Variants in ZSWIM8 observed in about 807,000 individuals in gnomAD.
ZSWIM8 encodes zinc finger SWIM-type containing 8.
In ZSWIM8, 27 loss-of-function variants were observed where a neutral mutation model predicts 173.7. The ratio of observed to expected loss-of-function variants is 0.16; its 90% CI spans 0.11 to 0.21. ZSWIM8 has a LOEUF of 0.21. Ranked by LOEUF, ZSWIM8 falls within the 10% of genes least tolerant of loss-of-function variation. ZSWIM8 has a pLI of 1.00. For synonymous variants in ZSWIM8, 958 were observed against 962.0 expected, an observed-to-expected ratio of 1.00 and a Z score of 0.08; for missense variants, 1,627 against 2,428.8, an observed-to-expected ratio of 0.67 and a Z score of 6.94.
chr10:73,790,435 C>A, intron 7 of ZSWIM8, 143 bp downstream of exon 7: 1 of 1,243,082 alleles, frequency 8.0e-7, no homozygotes, highest in Non-Finnish European at 1.1e-6. Context: ...ACAGTTGTCA[C>A]TAACGAATTG....
At chr10:73,790,776 G>A (rs564651344) in intron 7 of ZSWIM8, among the ~76,000 whole-genome samples, 199 bp from the exon 8 acceptor site, 1 of 152,238 alleles carries the variant, frequency 6.6e-6, no homozygotes, top group African/African-American at 2.4e-5. Flanking sequence ...TTGAACCCGG[G>A]AGGTGGAGGT....
rs2083342368 is a variant in ZSWIM8 at position 73,789,569 on chromosome 10, A to G, written c.630+30A>G. On this transcript the variant is annotated intron_variant, in intron 4 of 25. Transcript: ENST00000604729. The surrounding 1 kb of genome is among the most constrained non-coding windows in gnomAD (Gnocchi z 6.8). ...GGCCCTCCCAATTTATCCCGGCCCTATCCTACACTCCATCCCCCCCTTCTC... is the reference window on the plus strand; with the variant it reads ...GGCCCTCCCAATTTATCCCGGCCCTGTCCTACACTCCATCCCCCCCTTCTC... The G allele has an allele frequency of 6.2e-7, 1 of 1,605,676 alleles. No homozygotes were observed. Among genetic ancestry groups the G allele is most frequent in the Non-Finnish European group, 8.5e-7 (1 of 1,176,848 alleles).
Position 73,791,529 on chromosome 10 carries a change from CTG to C in ZSWIM8, c.1319+31_1319+32del, listed in dbSNP as rs767441902. 10 of 1,561,750 alleles carry C rather than the reference CTG, an allele frequency of 6.4e-6. No homozygotes were observed. Among genetic ancestry groups the C allele is most frequent in the Non-Finnish European group, 8.7e-6 (10 of 1,147,686 alleles). Reference sequence around the variant, plus strand: ...GTCTCCCCTGAGGCTCACCACAGAACTGAGCCTGGGCCAGCTCAGGACAGACT... The same window carrying C: ...GTCTCCCCTGAGGCTCACCACAGAACAGCCTGGGCCAGCTCAGGACAGACT... On this transcript the variant is annotated intron_variant, in intron 9 of 25. Coordinates refer to ENST00000604729, the MANE Select transcript of ZSWIM8 (RefSeq NM_001367799.1). The surrounding 1 kb of genome is among the most constrained non-coding windows in gnomAD (Gnocchi z 6.0).
chr10:73,797,684 C>T lies in ZSWIM8; in HGVS notation c.3662+79C>T, dbSNP rs1452269971. The T allele has an allele frequency of 4.5e-6, 7 of 1,567,566 alleles. No homozygotes were observed. Among genetic ancestry groups the T allele is most frequent in the Non-Finnish European group, 6.1e-6 (7 of 1,151,880 alleles). On this transcript the variant is annotated intron_variant, in intron 18 of 25. Coordinates refer to ENST00000604729, the MANE Select transcript of ZSWIM8 (RefSeq NM_001367799.1). This position sits in a 1 kb window ranked among gnomAD's most constrained non-coding sequence, Gnocchi z 5.6. ...ACCCCTAGTGCAATCCAACCATTGT[C>T]TCCCAGCATCCTCACTTTCCCTGGT...
At chr10:73,788,486 C>A (rs2083300875) in intron 1 of ZSWIM8, among the ~76,000 whole-genome samples, 184 bp from the exon 2 acceptor site, 1 of 152,118 alleles carries the variant, frequency 6.6e-6, no homozygotes, top group Admixed American at 6.5e-5. Flanking sequence ...CTCCCCTTTC[C>A]CATATGGAGC....
At position 73,800,554 on chromosome 10, in the gene ZSWIM8, T is replaced by G; in HGVS notation, c.5002+82T>G. ...AGGACCCTTCCTCTAGCTCTTCATT[T>G]GTTTACTGTGGGGTCAGGTGACAGG... On this transcript the variant is annotated intron_variant, in intron 23 of 25. Transcript: ENST00000604729. The surrounding 1 kb of genome is among the most constrained non-coding windows in gnomAD (Gnocchi z 4.1). 1 of 1,602,762 alleles carries G rather than the reference T, an allele frequency of 6.2e-7. No individual in the cohort carries two copies. Among genetic ancestry groups the G allele is most frequent in the East Asian group, 2.2e-5 (1 of 44,808 alleles).
In ZSWIM8 at chr10:73,792,932, C is replaced by A; in HGVS notation, c.2313+80C>A. 1 of 1,464,236 alleles carries A rather than the reference C, an allele frequency of 6.8e-7. No individual in the cohort carries two copies. The highest frequency in any genetic ancestry group is 1.4e-5 in the South Asian group (1 of 73,246). The allele number at this position is 1,464,236 out of a possible 1,614,324, so 90.7% of individuals were successfully genotyped here. A position where few individuals can be genotyped will look rare whatever the true frequency, so the allele number is the denominator to read the frequency against. ...GCTATCTAGCTCTAGTTGGGAGTGT[C>A]AGGACCATCAGCAGGATTGTGAGAA... is the stretch of plus-strand genomic sequence containing the variant. On this transcript the variant is annotated intron_variant, in intron 10 of 25. Transcript: ENST00000604729. The surrounding 1 kb of genome is among the most constrained non-coding windows in gnomAD (Gnocchi z 4.3).
Position 73,792,053 on chromosome 10 carries a change from C to T in ZSWIM8, c.1514C>T (p.Ala505Val), listed in dbSNP as rs899722218. 2.6e-6 allele frequency: 4 copies of T among 1,546,576 alleles called. No homozygotes were observed. Among genetic ancestry groups the T allele is most frequent in the African/African-American group, 2.7e-5 (2 of 73,012 alleles). ...TACAGCGGCACTGACAGGAAGCTGG[C>T]ACTGTGCTGGGCCCGGGCCCTGCCC... ...VTYSGTDRKL[A>V]LCWARALPSR... The change falls in exon 10 of 26, where the codon GCA (alanine) becomes GTA (valine). Residue 505 changes from alanine (A) to valine (V), a missense_variant. Transcript: ENST00000604729. The surrounding 1 kb of genome is among the most constrained non-coding windows in gnomAD (Gnocchi z 4.3).
At chr10:73,796,709 A>G (rs2132760833) in intron 15 of ZSWIM8, 65 bp from the exon 16 acceptor site, 2 of 1,587,444 alleles carry the variant, frequency 1.3e-6, no homozygotes, top group Non-Finnish European at 1.7e-6. Context: ...GGAAGGTAAT[A>G]GAAGTCAGGA....
chr10:73,792,068 G>A lies in ZSWIM8; in HGVS notation c.1529G>A (p.Arg510Gln), dbSNP rs751929099. ...TDRKLALCWA[R>Q]ALPSRPGASR... The stretch of plus-strand genomic sequence containing the variant: ...AGGAAGCTGGCACTGTGCTGGGCCC[G>A]GGCCCTGCCCTCTCGGCCAGGTGCC... The change falls in exon 10 of 26, where the codon CGG becomes CAG. Residue 510 changes from arginine (R) to glutamine (Q), a missense_variant. Around this residue, in one of 18 missense-constraint regions of ZSWIM8, gnomAD observed 383 missense variants for 394.8 expected, o/e 0.97. Transcript: ENST00000604729. This position sits in a 1 kb window ranked among gnomAD's most constrained non-coding sequence, Gnocchi z 4.3. 5.2e-6 allele frequency: 8 copies of A among 1,539,160 alleles called. No individual in the cohort carries two copies. The highest frequency in any genetic ancestry group is 4.0e-5 in the Admixed American group (2 of 50,330).
chr10:73,785,813 C>A lies in ZSWIM8; in HGVS notation c.-66C>A, dbSNP rs1010183763. On this transcript the variant is annotated 5_prime_UTR_variant, in exon 1 of 26. Coordinates refer to ENST00000604729, the MANE Select transcript of ZSWIM8 (RefSeq NM_001367799.1). Reference sequence around the variant, plus strand: ...CCTCAGGCCCCGGGCCTCCCCTCAACCCCCGGCCGGCGGCCCAGGCCCCGG... The same window carrying A: ...CCTCAGGCCCCGGGCCTCCCCTCAAACCCCGGCCGGCGGCCCAGGCCCCGG... 26 of 1,456,388 alleles carry A rather than the reference C, an allele frequency of 1.8e-5. No individual in the cohort carries two copies. In the African/African-American group the frequency reaches 2.5e-4, roughly 14 times the overall value. 90.2% of individuals were successfully genotyped at this position (1,456,388 alleles called of 1,614,324 possible).
Position 73,791,011 on chromosome 10 carries a change from G to T in ZSWIM8, c.978G>T (p.Pro326=). ...CCATGTATCTGTCTTCCACGGAGCC[G>T]CCAGCCGCTGCTGAATGGGCATGTC... ...VNSMYLSSTE[P]PAAAEWACLL... The change falls in exon 8 of 26, where the codon CCG becomes CCT. Residue 326 remains proline (P), a synonymous_variant. Coordinates refer to ENST00000604729, the MANE Select transcript of ZSWIM8 (RefSeq NM_001367799.1). The surrounding 1 kb of genome is among the most constrained non-coding windows in gnomAD (Gnocchi z 6.0). 6.2e-7 allele frequency: 1 copy of T among 1,612,182 alleles called. No individual in the cohort carries two copies. Among genetic ancestry groups the T allele is most frequent in the Non-Finnish European group, 8.5e-7 (1 of 1,179,824 alleles).
chr10:73,788,267 G>A (rs1010218921), intron 1 of ZSWIM8, among the ~76,000 whole-genome samples: 1 of 151,648 alleles, frequency 6.6e-6, no homozygotes, highest in African/African-American at 2.4e-5. Flanking sequence ...GGCAATCGGA[G>A]ACAAGAATGC....
Position 73,792,525 on chromosome 10 carries a change from G to A in ZSWIM8, c.1986G>A (p.Glu662=). ...GAGGCCCTTCCACTTTCCTTCCTGA[G>A]CCCCCAGATACTTATGAAGAAGATG... ...GSRGPSTFLP[E]PPDTYEEDGG... Residue 662 remains glutamate (E), a synonymous_variant, in exon 10 of 26, where the codon GAG becomes GAA. Coordinates refer to ENST00000604729, the MANE Select transcript of ZSWIM8 (RefSeq NM_001367799.1). This position sits in a 1 kb window ranked among gnomAD's most constrained non-coding sequence, Gnocchi z 4.3. The A allele has an allele frequency of 6.2e-7, 1 of 1,613,966 alleles. No homozygotes were observed. Among genetic ancestry groups the A allele is most frequent in the Non-Finnish European group, 8.5e-7 (1 of 1,179,846 alleles).
chr10:73,793,711 C>T lies in ZSWIM8; in HGVS notation c.2437C>T (p.Pro813Ser), dbSNP rs2083504225. The change falls in exon 11 of 26, where the codon CCT becomes TCT. Residue 813 changes from proline to serine, a missense_variant. Physicochemically the swap from Pro to Ser is moderately conservative, Grantham distance 74. This residue lies in a region of ZSWIM8 where 169 missense variants were observed against 235.3 expected (regional missense o/e 0.72). Transcript: ENST00000604729. ...NPPDLKVEPP[P>S]AKGKKNKVST... Reference sequence around the variant, plus strand: ...ACCCGACCTCAAGGTAGAGCCGCCCCCTGCCAAGGTGAGAGACCCCCTTCC... The same window carrying T: ...ACCCGACCTCAAGGTAGAGCCGCCCTCTGCCAAGGTGAGAGACCCCCTTCC... The T allele has an allele frequency of 9.9e-6, 16 of 1,609,186 alleles. No homozygotes were observed. The highest frequency in any genetic ancestry group is 1.4e-5 in the Non-Finnish European group (16 of 1,177,438).
chr10:73,799,524 G>T (rs867523109), intron 21 of ZSWIM8, 34 bp downstream of exon 21: 1 of 1,583,650 alleles, frequency 6.3e-7, no homozygotes, highest in East Asian at 2.3e-5. Context: ...GGTAAGGCAT[G>T]GGAAAATACT....
At chr10:73,786,232 CGACTGGGAGCTGTCCCA>C (rs2083213694) in intron 1 of ZSWIM8, 146 bp downstream of exon 1, 3 of 918,506 alleles carry the variant, frequency 3.3e-6, no homozygotes, top group African/African-American at 1.7e-5. Context: ...GAGCTGTCCC[CGACTGGGAGCTGTCCCA>C]AGCTTAGAAC....
chr10:73,799,655 G>C, intron 21 of ZSWIM8, 165 bp downstream of exon 21: 2 of 986,466 alleles, frequency 2.0e-6, no homozygotes, highest in Admixed American at 2.2e-5. Flanking sequence ...TGACGGCCGG[G>C]CATGGTGGCT....
chr10:73,788,797 C>T lies in ZSWIM8; in HGVS notation c.336C>T (p.Ser112=). Residue 112 remains serine (S), a synonymous_variant, in exon 2 of 26, where the codon AGC becomes AGT. Transcript: ENST00000604729. ...EQLQLRIAFW[S]FPENEEDIRL... Reference sequence around the variant, plus strand: ...TACAGCTCCGAATTGCTTTTTGGAGCTTCCCTGAGAATGAAGAGGACATTC... The same window carrying T: ...TACAGCTCCGAATTGCTTTTTGGAGTTTCCCTGAGAATGAAGAGGACATTC... 1.2e-6 allele frequency: 2 copies of T among 1,613,838 alleles called. No individual in the cohort carries two copies. The highest frequency in any genetic ancestry group is 1.7e-5 in the Admixed American group (1 of 60,018).
Sources: allele counts gnomAD v4.1 joint callset (sites outside exome capture counted in the v4.1 genomes callset), GRCh38; gene constraint gnomAD v4.1.1; regional missense constraint gnomAD v4.1.1; non-coding constraint Gnocchi (gnomAD v3.1); transcripts MANE v1.5; gene names NCBI Gene and HGNC (gene_info 2026-07-23, HGNC 2026-07-21).